The following KDM4C variants were observed in gnomAD, a reference collection of about 807,000 sequenced individuals.
KDM4C encodes the protein lysine demethylase 4C, also known as lysine-specific demethylase 4C.
In KDM4C, 81 loss-of-function variants were observed where a neutral mutation model predicts 129.3. That is an observed-to-expected ratio of 0.63 (90% CI 0.52 to 0.75). The LOEUF (loss-of-function observed/expected upper bound fraction) is 0.75, where lower values mean the gene tolerates loss of function less well. KDM4C is among the 30% of genes least tolerant of loss of function. The probability of loss-of-function intolerance (pLI) is 0.00; values close to 1 mark genes in which losing one functional copy is unlikely to be tolerated. For synonymous variants in KDM4C, 573 were observed against 456.1 expected (o/e 1.26, Z -3.26); for missense variants, 1,457 against 1,304.0 (o/e 1.12, Z -1.81).
chr9:7,133,764 C>G (rs533082036), intron 19 of KDM4C, among the ~76,000 whole-genome samples: 1 of 152,174 alleles, frequency 6.6e-6, no homozygotes. Context: ...CCTCGCTTGG[C>G]AAGCATAGGT....
chr9:6,738,296 G>C (rs940652286), intron 1 of KDM4C, among the ~76,000 whole-genome samples: 1 of 152,044 alleles, frequency 6.6e-6, no homozygotes, highest in African/African-American at 2.4e-5. Context: ...GACCAACATG[G>C]AGAAACCCCG....
chr9:6,867,360 G>C (rs1223899829), intron 5 of KDM4C, among the ~76,000 whole-genome samples: 1 of 152,138 alleles, frequency 6.6e-6, no homozygotes, highest in Non-Finnish European at 1.5e-5. Context: ...TGTGGGAGGA[G>C]TGAATCCAGC....
intron 8 of KDM4C, among the ~76,000 whole-genome samples, chr9:6,973,641 A>T (rs758243009): frequency 2.0e-5 from 3 of 152,196 alleles, no homozygotes; most frequent in Non-Finnish European, 4.4e-5. Context: ...GTTTCTCTCA[A>T]GTGAGAGCAC....
At chr9:6,954,181 T>C (rs996716062) in intron 8 of KDM4C, among the ~76,000 whole-genome samples, 4 of 152,172 alleles carry the variant, frequency 2.6e-5, no homozygotes, top group Non-Finnish European at 4.4e-5. Flanking sequence ...AGGATTCTGA[T>C]CCTATATATC....
chr9:6,757,736 T>C (rs1040395870), upstream of KDM4C: 4 of 985,484 alleles, frequency 4.1e-6, no homozygotes, highest in East Asian at 2.3e-4. Flanking sequence ...CCGGGCAAGG[T>C]TCTGTGCACC....
chr9:6,756,446 G>C (rs1428359639), upstream of KDM4C, among the ~76,000 whole-genome samples: 1 of 152,258 alleles, frequency 6.6e-6, no homozygotes, highest in African/African-American at 2.4e-5. Context: ...GCCGGGTGAA[G>C]TGGCTCACGC....
intron 15 of KDM4C, among the ~76,000 whole-genome samples, chr9:7,043,384 G>A (rs1180258438): frequency 6.6e-6 from 1 of 152,008 alleles, no homozygotes; most frequent in Non-Finnish European, 1.5e-5. Context: ...ATCAGACATT[G>A]TAGATTCTTA....
rs545463591 is a variant in KDM4C at position 6,986,187 on chromosome 9, G to A, written c.1355-157G>A. On this transcript the variant is annotated intron_variant, in intron 10 of 21. Transcript: ENST00000381309. Reference sequence around the variant, plus strand: ...CAGTATCAGAGCTAGTATGTGATGGGTACAAATGAGGTTTGTTTTGTGTGT... The same window carrying A: ...CAGTATCAGAGCTAGTATGTGATGGATACAAATGAGGTTTGTTTTGTGTGT... Among the ~76,000 whole-genome samples the A allele has an allele frequency of 3.9e-5, 6 of 152,274 alleles. No homozygotes were observed. The South Asian group carries it at 1.0e-3, about 26-fold the overall frequency.
chr9:7,152,037 G>T (rs1305500859), intron 19 of KDM4C, among the ~76,000 whole-genome samples: 1 of 152,230 alleles, frequency 6.6e-6, no homozygotes, highest in Non-Finnish European at 1.5e-5. Context: ...AAGGCATTTG[G>T]CTTGGACCAG....
At chr9:6,835,862 C>T (rs115669513) in intron 4 of KDM4C, among the ~76,000 whole-genome samples, 1,658 of 152,128 alleles carry the variant, frequency 0.011, 30 homozygotes, top group African/African-American at 0.037. Context: ...TGCATTGTTA[C>T]AGGAAGTTGT....
rs1168425990 is a variant in KDM4C at position 6,997,234 on chromosome 9, G to T, written c.1786+6710G>T. On this transcript the variant is annotated intron_variant, in intron 12 of 21. Transcript: ENST00000381309. ...GATTGGTAAGGGGGAGCCAAGTTGT[G>T]GCCGTTGAGGAGAAATTTTCCAGGA... is the stretch of plus-strand genomic sequence containing the variant. 2.6e-5 allele frequency among the ~76,000 whole-genome samples: 4 copies of T among 152,186 alleles called. No homozygotes were observed. The South Asian group carries it at 6.2e-4, about 24-fold the overall frequency.
At chr9:6,874,677 A>G (rs1474371162) in intron 5 of KDM4C, among the ~76,000 whole-genome samples, 3 of 152,206 alleles carry the variant, frequency 2.0e-5, no homozygotes, top group Non-Finnish European at 2.9e-5. Context: ...TGCCCAATCT[A>G]TCTTGAGCAC....
chr9:7,160,833 G>T (rs562299617), intron 19 of KDM4C, among the ~76,000 whole-genome samples: 1 of 152,294 alleles, frequency 6.6e-6, no homozygotes, highest in African/African-American at 2.4e-5. Context: ...GAGATTAAAT[G>T]CCTCACTGGG....
intron 19 of KDM4C, among the ~76,000 whole-genome samples, chr9:7,130,952 A>G (rs945469575): frequency 8.2e-5 from 12 of 146,376 alleles, no homozygotes; most frequent in African/African-American, 2.8e-4. Context: ...ATTTTTTTGT[A>G]GAGATGGTGT....
chr9:7,076,475 A>G (rs1433468115), intron 17 of KDM4C: 1 of 1,550,792 alleles, frequency 6.4e-7, no homozygotes, highest in Non-Finnish European at 8.7e-7. Flanking sequence ...AACAACAACA[A>G]CAATAACAAT....
At chr9:7,169,936 T>C (rs763216483) in intron 21 of KDM4C, 46 bp downstream of exon 21, 1 of 1,612,114 alleles carries the variant, frequency 6.2e-7, no homozygotes, top group South Asian at 1.1e-5. Context: ...AGTGAATTCC[T>C]TGTCCTCACC....
At chr9:7,061,708 A>G (rs1309565887) in intron 17 of KDM4C, among the ~76,000 whole-genome samples, 2 of 152,106 alleles carry the variant, frequency 1.3e-5, no homozygotes, top group African/African-American at 4.8e-5. Flanking sequence ...TTTTCCCAAT[A>G]TCGACTCTAC....
intron 1 of KDM4C, among the ~76,000 whole-genome samples, chr9:6,750,315 T>G (rs1036304061): frequency 2.0e-5 from 3 of 151,968 alleles, no homozygotes; most frequent in African/African-American, 7.2e-5. Context: ...GGCACGCACC[T>G]GTAGCCCCAG....
At chr9:6,918,840 G>A (rs541479637) in intron 8 of KDM4C, among the ~76,000 whole-genome samples, 1 of 151,644 alleles carries the variant, frequency 6.6e-6, no homozygotes, top group South Asian at 2.1e-4. Flanking sequence ...AGAAGGCTCT[G>A]TTCATGTCCT....
Sources: gnomAD v4.1 joint callset for allele counts (sites outside exome capture counted in the v4.1 genomes callset) on GRCh38, gnomAD v4.1.1 for gene constraint, MANE v1.5 for transcripts, NCBI Gene and HGNC (gene_info 2026-07-23, HGNC 2026-07-21) for gene names.